LRBA: variants seen among roughly 807,000 people sequenced by gnomAD.
The protein encoded by LRBA is lipopolysaccharide-responsive and beige-like anchor protein.
Under a neutral mutation model 330.0 loss-of-function variants are expected in LRBA, and 176 were observed. That is an observed-to-expected ratio of 0.53 (90% confidence interval 0.47 to 0.60). The LOEUF (loss-of-function observed/expected upper bound fraction) is 0.60, where lower values mean the gene tolerates loss of function less well. Among genes scored for constraint, LRBA ranks in the 20% least tolerant of loss-of-function variants. The probability of loss-of-function intolerance (pLI) is 0.00; values close to 1 mark genes in which losing one functional copy is unlikely to be tolerated. For missense variants in LRBA, 3,259 were observed against 3,444.8 expected, an observed-to-expected ratio of 0.95 and a Z score of 1.35; for synonymous variants, 1,230 against 1,193.0, an observed-to-expected ratio of 1.03 and a Z score of -0.64.
intron 47 of LRBA, among the ~76,000 whole-genome samples, chr4:150,374,595 A>G (rs1030962511): frequency 6.6e-6 from 1 of 152,234 alleles, no homozygotes; most frequent in African/African-American, 2.4e-5. Context: ...GAAATGCTCC[A>G]AAGTCTGAAA....
At position 150,444,606 on chromosome 4, in the gene LRBA, C is replaced by A. The variant is rs568840589; in HGVS notation, c.6781-7742G>T. On this transcript the variant is annotated intron_variant, in intron 44 of 56. Coordinates refer to ENST00000651943, the MANE Select transcript of LRBA (RefSeq NM_001364905.1). The stretch of plus-strand genomic sequence containing the variant: ...TGCTCTAGATTTTATTTAATACTGT[C>A]AAGAAAAAAATTTCATCAGCACACC... Among the ~76,000 whole-genome samples, 11 of 152,160 alleles carry A rather than the reference C, an allele frequency of 7.2e-5. No individual in the cohort carries two copies. In the South Asian group the frequency reaches 1.9e-3, roughly 26 times the overall value.
At chr4:150,522,035 A>C (rs972882340) in intron 40 of LRBA, among the ~76,000 whole-genome samples, 4 of 152,198 alleles carry the variant, frequency 2.6e-5, no homozygotes, top group African/African-American at 7.2e-5. Context: ...TGCTGTAACA[A>C]ATTACCACAA....
intron 42 of LRBA, among the ~76,000 whole-genome samples, chr4:150,487,387 T>C (rs1203316946): frequency 4.0e-5 from 6 of 151,546 alleles, no homozygotes; most frequent in Non-Finnish European, 7.4e-5. Context: ...TCTTACAATA[T>C]ACACTTTTCT....
chr4:150,857,945 A>T lies in LRBA; in HGVS notation c.2767-5002T>A, dbSNP rs545939093. On this transcript the variant is annotated intron_variant, in intron 22 of 56. Transcript: ENST00000651943. ...GCATATCATTAAATAATACTCTAAAATAGTAAAAATACGATCACATTTTGT... is the reference window on the plus strand; with the variant it reads ...GCATATCATTAAATAATACTCTAAATTAGTAAAAATACGATCACATTTTGT... 8.5e-5 allele frequency among the ~76,000 whole-genome samples: 13 copies of T among 152,288 alleles called. No individual in the cohort carries two copies. The South Asian group carries it at 2.5e-3, about 29-fold the overall frequency.
At chr4:151,008,768 T>C (rs1051620339) in intron 2 of LRBA, among the ~76,000 whole-genome samples, 2 of 147,036 alleles carry the variant, frequency 1.4e-5, no homozygotes, top group Admixed American at 1.4e-4. Context: ...AGGTCAGGAG[T>C]TCAAGAACAG....
chr4:150,799,470 T>C (rs1039840851), intron 33 of LRBA, among the ~76,000 whole-genome samples: 2 of 152,202 alleles, frequency 1.3e-5, no homozygotes, highest in African/African-American at 4.8e-5. Context: ...TTAACCCAGA[T>C]AATAAAAGAA....
chr4:150,652,651 C>T (rs927157379), intron 37 of LRBA, among the ~76,000 whole-genome samples: 2 of 152,048 alleles, frequency 1.3e-5, no homozygotes, highest in Admixed American at 6.5e-5. Context: ...CATTTCAGCA[C>T]ACAATCAATA....
chr4:150,859,774 C>T (rs1309087349), intron 22 of LRBA, among the ~76,000 whole-genome samples: 1 of 152,174 alleles, frequency 6.6e-6, no homozygotes, highest in East Asian at 1.9e-4. Flanking sequence ...CAAAAGCTAT[C>T]CAATTCTGCA....
chr4:150,774,262 T>C lies in LRBA; in HGVS notation c.5581-12415A>G, dbSNP rs540815748. On this transcript the variant is annotated intron_variant, in intron 34 of 56. Coordinates refer to ENST00000651943, the MANE Select transcript of LRBA (RefSeq NM_001364905.1). Reference sequence around the variant, plus strand: ...CTCTGTGACTATGAAAGATTAGGCCTTCAACATCTTGCAGTCACTTGTGAT... The same window carrying C: ...CTCTGTGACTATGAAAGATTAGGCCCTCAACATCTTGCAGTCACTTGTGAT... 8.5e-5 allele frequency among the ~76,000 whole-genome samples: 13 copies of C among 152,324 alleles called. No homozygotes were observed. The South Asian group carries it at 2.5e-3, about 29-fold the overall frequency.
chr4:150,399,611 G>A (rs1745200445), intron 47 of LRBA, among the ~76,000 whole-genome samples: 1 of 152,164 alleles, frequency 6.6e-6, no homozygotes, highest in East Asian at 1.9e-4. Flanking sequence ...AGAGAACACA[G>A]GAGAAACATC....
At chr4:150,498,179 T>G (rs1268195519) in intron 40 of LRBA, among the ~76,000 whole-genome samples, 1 of 152,246 alleles carries the variant, frequency 6.6e-6, no homozygotes, top group Non-Finnish European at 1.5e-5. Context: ...CACACAGATT[T>G]ATGGCAAACT....
At chr4:150,806,108 C>CATA (rs1251818114) in intron 33 of LRBA, among the ~76,000 whole-genome samples, 163 bp downstream of exon 33, 3 of 151,658 alleles carry the variant, frequency 2.0e-5, no homozygotes, top group Non-Finnish European at 4.4e-5. Context: ...AAGATTACAA[C>CATA]ATAATAGACA....
intron 37 of LRBA, among the ~76,000 whole-genome samples, chr4:150,657,736 G>T (rs950286167): frequency 6.6e-6 from 1 of 152,030 alleles, no homozygotes; most frequent in Non-Finnish European, 1.5e-5. Context: ...AAAAAACTGA[G>T]ATTTTTTAAC....
intron 53 of LRBA, among the ~76,000 whole-genome samples, chr4:150,286,520 T>A (rs1248324083): frequency 6.6e-6 from 1 of 152,092 alleles, no homozygotes; most frequent in East Asian, 1.9e-4. Flanking sequence ...CTCTTAAATA[T>A]GTATTCTCTC....
intron 29 of LRBA, 38 bp from the exon 30 acceptor site, chr4:150,828,659 A>G: frequency 1.3e-6 from 2 of 1,524,792 alleles, no homozygotes; most frequent in Non-Finnish European, 1.8e-6. Flanking sequence ...TAAACAAACA[A>G]AAGTTTAGAA....
chr4:150,955,193 C>A (rs1737402763), intron 2 of LRBA, among the ~76,000 whole-genome samples: 1 of 148,828 alleles, frequency 6.7e-6, no homozygotes, highest in Non-Finnish European at 1.5e-5. Context: ...ATCACCTGAG[C>A]CTGAGAGGTA....
chr4:150,693,496 G>A (rs1375039316), intron 36 of LRBA, among the ~76,000 whole-genome samples: 6 of 131,986 alleles, frequency 4.5e-5, no homozygotes, highest in Admixed American at 2.8e-4. Flanking sequence ...CCCGGGAGGC[G>A]GAGCTTGCAG....
intron 34 of LRBA, among the ~76,000 whole-genome samples, chr4:150,762,912 C>T (rs943799385): frequency 4.6e-5 from 7 of 151,884 alleles, no homozygotes; most frequent in African/African-American, 9.7e-5. Flanking sequence ...ATAGCTATTC[C>T]GTTCCACTCC....
intron 36 of LRBA, among the ~76,000 whole-genome samples, chr4:150,695,234 A>G (rs1313960006): frequency 6.6e-6 from 1 of 152,198 alleles, no homozygotes; most frequent in Non-Finnish European, 1.5e-5. Context: ...AAACCACAGA[A>G]TTATATTTTA....
Sources: gnomAD v4.1 joint callset for allele counts (sites outside exome capture counted in the v4.1 genomes callset) on GRCh38, gnomAD v4.1.1 for gene constraint, MANE v1.5 for transcripts, NCBI Gene and HGNC (gene_info 2026-07-23, HGNC 2026-07-21) for gene names.